Variants in DDX24 observed in about 807,000 individuals in gnomAD.
DDX24 encodes the protein DEAD-box helicase 24.
DDX24 carries 24 observed loss-of-function variants against 68.9 expected under a neutral mutation model. The ratio of observed to expected loss-of-function variants is 0.35; its 90% confidence interval spans 0.25 to 0.49. DDX24 has a LOEUF of 0.49. Ranked by LOEUF, DDX24 falls within the 20% of genes least tolerant of loss-of-function variation. DDX24 has a pLI of 0.99. For synonymous variants in DDX24, 395 were observed against 385.2 expected, an observed-to-expected ratio of 1.03 and a Z score of -0.30; for missense variants, 989 against 1,039.0, an observed-to-expected ratio of 0.95 and a Z score of 0.66.
rs1045869 is a variant in DDX24 at position 94,048,661 on chromosome 14, T to C, written c.*2530A>G. The C allele has an allele frequency of 0.49, 75,197 of 152,152 alleles. 19,533 individuals are homozygous for C. Among genetic ancestry groups the C allele is most frequent in the African/African-American group, 0.66 (27,345 of 41,484 alleles). The allele number at this position is 152,152 out of a possible 1,614,324, so 9.4% of individuals were successfully genotyped here. ...GGGATATTCCCCAACCTGTCCTTCC[T>C]GACAGGAAGCATAGGGCACTGCAGA... On this transcript the variant is annotated 3_prime_UTR_variant, in exon 9 of 9. Transcript: ENST00000621632.
At chr14:94,061,868 T>C (rs980639603) in intron 3 of DDX24, among the ~76,000 whole-genome samples, 1 of 152,216 alleles carries the variant, frequency 6.6e-6, no homozygotes, top group African/African-American at 2.4e-5. Flanking sequence ...GCCCTGAGCA[T>C]CTACTGTATC....
chr14:94,060,280 G>A lies in DDX24; in HGVS notation c.1731C>T (p.Phe577=), dbSNP rs766775200. Residue 577 remains phenylalanine, a synonymous_variant, in exon 5 of 9, where the codon TTC becomes TTT. Transcript: ENST00000621632. ...KIHCETDEKD[F]YLYYFLMQYP... ...ACTGCATCAGGAAGTAGTACAAGTA[G>A]AAGTCTTTCTCATCAGTCTCACAAT... 6 of 1,614,084 alleles carry A rather than the reference G, an allele frequency of 3.7e-6. No homozygotes were observed. The highest frequency in any genetic ancestry group is 4.5e-5 in the East Asian group (2 of 44,894).
chr14:94,049,239 T>C lies in DDX24; in HGVS notation c.*1952A>G, dbSNP rs1010798657. On this transcript the variant is annotated 3_prime_UTR_variant, in exon 9 of 9. Coordinates refer to ENST00000621632, the MANE Select transcript of DDX24 (RefSeq NM_020414.4). ...CATCAGGGGATCTATGTTTGGCTTA[T>C]GGCAAGTGGCTTCACTCCCACGGCT... The C allele has an allele frequency of 1.3e-5, 2 of 152,272 alleles. No homozygotes were observed. The highest frequency in any genetic ancestry group is 4.8e-5 in the African/African-American group (2 of 41,464). The allele number at this position is 152,272 out of a possible 1,614,324, so 9.4% of individuals were successfully genotyped here.
intron 7 of DDX24, 141 bp downstream of exon 7, chr14:94,054,855 T>C (rs765608629): frequency 6.0e-6 from 6 of 994,806 alleles, no homozygotes; most frequent in Non-Finnish European, 9.1e-6. Context: ...CTCAATCCTT[T>C]CTACAAGTCT....
At chr14:94,064,740 T>C (rs915392871) in intron 2 of DDX24, among the ~76,000 whole-genome samples, 1 of 152,236 alleles carries the variant, frequency 6.6e-6, no homozygotes, top group Non-Finnish European at 1.5e-5. Context: ...AATTGTTAAA[T>C]ACAAGTAAAG....
chr14:94,059,971 G>T, intron 5 of DDX24, 127 bp downstream of exon 5: 1 of 1,092,422 alleles, frequency 9.2e-7, no homozygotes, highest in Non-Finnish European at 1.3e-6. Flanking sequence ...AAAAAAAAAG[G>T]CTACCTACTA....
chr14:94,053,354 ATTTCTTTTT>A, intron 7 of DDX24: 9 of 145,190 alleles, frequency 6.2e-5, no homozygotes, highest in Non-Finnish European at 7.3e-5. Flanking sequence ...TGCCTAGGTA[ATTTCTTTTT>A]TTTTTTTTTT....
intron 3 of DDX24, among the ~76,000 whole-genome samples, chr14:94,061,540 A>G (rs1567059067): frequency 6.6e-6 from 1 of 152,230 alleles, no homozygotes; most frequent in African/African-American, 2.4e-5. Context: ...TAAAGGGCTT[A>G]GCAATAGTAA....
At chr14:94,076,793 CA>C (rs1172697270) in intron 2 of DDX24, among the ~76,000 whole-genome samples, 5 of 150,996 alleles carry the variant, frequency 3.3e-5, no homozygotes, top group Non-Finnish European at 5.9e-5. Context: ...GGAGGGACAA[CA>C]AAAAAAACCC....
At chr14:94,071,748 C>T (rs563991307) in intron 2 of DDX24, among the ~76,000 whole-genome samples, 12 of 152,266 alleles carry the variant, frequency 7.9e-5, no homozygotes, top group Admixed American at 2.6e-4. Flanking sequence ...GAGTTTGAGA[C>T]CAGCCTGACT....
intron 4 of DDX24, 124 bp from the exon 5 acceptor site, chr14:94,060,737 AC>A (rs61234349): frequency 5.0e-4 from 732 of 1,460,796 alleles, no homozygotes; most frequent in Non-Finnish European, 6.1e-4. Flanking sequence ...TACCACCACC[AC>A]CATCAGGCCC....
At chr14:94,080,811 G>A (rs1886068425) in intron 1 of DDX24, among the ~76,000 whole-genome samples, 1 of 152,206 alleles carries the variant, frequency 6.6e-6, no homozygotes, top group Non-Finnish European at 1.5e-5. Flanking sequence ...AGGCAGAGTA[G>A]AAGGGCCTCT....
Position 94,079,418 on chromosome 14 carries a change from T to A in DDX24, c.325A>T (p.Thr109Ser). The change falls in exon 2 of 9, where the codon ACT becomes TCT. Residue 109 changes from threonine (T) to serine (S), a missense_variant. Around this residue, in one of 3 missense-constraint regions of DDX24, gnomAD observed 295 missense variants for 263.0 expected, o/e 1.12. Coordinates refer to ENST00000621632, the MANE Select transcript of DDX24 (RefSeq NM_020414.4). ...TCTTTCTGGGTACTGGTTCCTTCAG[T>A]TGCTACATTTTTACTTTTCTTCAAC... ...IKLKKSKNVA[T>S]EGTSTQKEFE... 6.2e-7 allele frequency: 1 copy of A among 1,613,992 alleles called. No homozygotes were observed. Among genetic ancestry groups the A allele is most frequent in the East Asian group, 2.2e-5 (1 of 44,870 alleles).
intron 2 of DDX24, among the ~76,000 whole-genome samples, chr14:94,066,646 G>A (rs547186525): frequency 1.5e-4 from 23 of 152,150 alleles, no homozygotes; most frequent in Non-Finnish European, 3.1e-4. Flanking sequence ...CCCCATAGAC[G>A]GTTAACATCA....
rs558079470 is a variant in DDX24, at chr14:94,075,867, T to C, written c.718+3158A>G. Among the ~76,000 whole-genome samples, 45 of 152,292 alleles carry C rather than the reference T, an allele frequency of 3.0e-4. No homozygotes were observed. In the South Asian group the frequency reaches 9.1e-3, roughly 31 times the overall value. On this transcript the variant is annotated intron_variant, in intron 2 of 8. Coordinates refer to ENST00000621632, the MANE Select transcript of DDX24 (RefSeq NM_020414.4). The stretch of plus-strand genomic sequence containing the variant: ...ATAATCAAACAGACAAATAAGCATA[T>C]GCTAAAATGCTCTACATTGCTAGTC...
At chr14:94,053,682 C>T (rs1421325876) in intron 7 of DDX24, among the ~76,000 whole-genome samples, 7 of 151,990 alleles carry the variant, frequency 4.6e-5, no homozygotes, top group East Asian at 3.9e-4. Context: ...GGCATGGTGG[C>T]GCATGCCTGT....
chr14:94,079,841 G>A, intron 1 of DDX24, 94 bp from the exon 2 acceptor site: 1 of 1,141,584 alleles, frequency 8.8e-7, no homozygotes. Context: ...GCCCTACAAA[G>A]AACTGAGGAT....
intron 2 of DDX24, among the ~76,000 whole-genome samples, chr14:94,071,547 G>A (rs572615100): frequency 6.6e-6 from 1 of 152,304 alleles, no homozygotes; most frequent in Non-Finnish European, 1.5e-5. Context: ...TACTTAAGGA[G>A]GCTGAAGCAG....
At position 94,060,438 on chromosome 14, in the gene DDX24, GCTT is replaced by G. The variant is rs1208166635; in HGVS notation, c.1570_1572del (p.Lys524del). 6.2e-7 allele frequency: 1 copy of G among 1,614,030 alleles called. No homozygotes were observed. The highest frequency in any genetic ancestry group is 8.5e-7 in the Non-Finnish European group (1 of 1,180,042). On this transcript the variant is annotated inframe_deletion, in exon 5 of 9. Coordinates refer to ENST00000621632, the MANE Select transcript of DDX24 (RefSeq NM_020414.4). ...GCTGTTTTATCCATTTTCTTGGTGT[GCTT>G]CTTATGAAGGATTCGAGCAGGAGCC... is the stretch of plus-strand genomic sequence containing the variant.
Sources: gnomAD v4.1 joint callset for allele counts (sites outside exome capture counted in the v4.1 genomes callset) on GRCh38, gnomAD v4.1.1 for gene constraint, gnomAD v4.1.1 regional missense constraint, MANE v1.5 for transcripts, NCBI Gene and HGNC (gene_info 2026-07-23, HGNC 2026-07-21) for gene names.